The following ABHD3 variants were observed in gnomAD, a reference collection of about 807,000 sequenced individuals.
The protein encoded by ABHD3 is phospholipase ABHD3.
In ABHD3, 46 loss-of-function variants were observed where a neutral mutation model predicts 48.8. The ratio of observed to expected loss-of-function variants is 0.94; its 90% CI spans 0.74 to 1.20. ABHD3 has a LOEUF of 1.20. Ranked by LOEUF, ABHD3 falls within the 50% of genes most tolerant of loss-of-function variation. The pLI, the probability that ABHD3 is intolerant of heterozygous loss-of-function variation, is 0.00. For synonymous variants in ABHD3, 192 were observed against 183.7 expected (o/e 1.04, Z -0.36); for missense variants, 490 against 497.8 (o/e 0.98, Z 0.15).
rs2039228186 is a variant in ABHD3, at chr18:21,651,773, A to G, written c.1058-10T>C. ...GTTTCTATTGGAATAGCTTCAGACC[A>G]AAAAAAACATGGCAATAAGAGAGAA... On this transcript the variant is annotated splice_polypyrimidine_tract_variant and intron_variant, in intron 8 of 8. Coordinates refer to ENST00000289119, the MANE Select transcript of ABHD3 (RefSeq NM_138340.5). 6.8e-7 allele frequency: 1 copy of G among 1,477,554 alleles called. No individual in the cohort carries two copies. Among genetic ancestry groups the G allele is most frequent in the Non-Finnish European group, 9.0e-7 (1 of 1,108,610 alleles). 91.5% of individuals were successfully genotyped at this position (1,477,554 alleles called of 1,614,324 possible). A position where few individuals can be genotyped will look rare whatever the true frequency, so the allele number is the denominator to read the frequency against.
chr18:21,672,545 A>G (rs2039779340), intron 4 of ABHD3, among the ~76,000 whole-genome samples: 1 of 152,206 alleles, frequency 6.6e-6, no homozygotes, highest in Non-Finnish European at 1.5e-5. Context: ...GCACTCAAAT[A>G]TTGGATAAGA....
intron 1 of ABHD3, among the ~76,000 whole-genome samples, chr18:21,704,134 G>A (rs1346030218): frequency 6.6e-6 from 1 of 152,186 alleles, no homozygotes; most frequent in African/African-American, 2.4e-5. Flanking sequence ...TGATCCACCC[G>A]CCTCGGGCTC....
At chr18:21,703,211 T>TCCCC (rs1345676171) in intron 2 of ABHD3, among the ~76,000 whole-genome samples, 60 of 102,360 alleles carry the variant, frequency 5.9e-4, no homozygotes, top group Middle Eastern at 5.1e-3. Flanking sequence ...GGCATCCTTC[T>TCCCC]CACCCCACCC....
intron 4 of ABHD3, among the ~76,000 whole-genome samples, chr18:21,669,332 C>T (rs879538307): frequency 6.6e-6 from 1 of 152,140 alleles, no homozygotes; most frequent in Admixed American, 6.6e-5. Flanking sequence ...CATAGTCGGC[C>T]TCCTGCTAGC....
In ABHD3 at chr18:21,703,817, CAA is replaced by C. The variant is rs774989078; in HGVS notation, c.163-72_163-71del. On this transcript the variant is annotated intron_variant, in intron 1 of 8. Coordinates refer to ENST00000289119, the MANE Select transcript of ABHD3 (RefSeq NM_138340.5). Reference sequence around the variant, plus strand: ...CTGCCAACCGTAAACCAGAAACCGGCAAAGACTTGTCGCTCGCGCGCGCGCTT... The same window carrying C: ...CTGCCAACCGTAAACCAGAAACCGGCAGACTTGTCGCTCGCGCGCGCGCTT... The C allele has an allele frequency of 1.4e-3, 2,235 of 1,548,696 alleles. 4 individuals are homozygous for C. Among genetic ancestry groups the C allele is most frequent in the Non-Finnish European group, 1.8e-3 (2,045 of 1,134,744 alleles).
chr18:21,680,860 G>A (rs971550830), intron 4 of ABHD3, among the ~76,000 whole-genome samples: 8 of 150,808 alleles, frequency 5.3e-5, no homozygotes, highest in South Asian at 2.1e-4. Context: ...AAATGTGTGT[G>A]TGTGTGTGTG....
intron 3 of ABHD3, among the ~76,000 whole-genome samples, chr18:21,690,529 G>A (rs992687414): frequency 2.0e-5 from 3 of 152,114 alleles, no homozygotes; most frequent in Admixed American, 6.5e-5. Context: ...TTGAACCCAG[G>A]AGGCGGAGCT....
intron 8 of ABHD3, among the ~76,000 whole-genome samples, chr18:21,652,487 AAG>A (rs1326587275): frequency 6.6e-6 from 1 of 151,644 alleles, no homozygotes; most frequent in Non-Finnish European, 1.5e-5. Context: ...AAAAGAAAGA[AAG>A]AGAGAGGCCA....
At chr18:21,700,990 C>A (rs1261839452) in intron 3 of ABHD3, among the ~76,000 whole-genome samples, 2 of 144,618 alleles carry the variant, frequency 1.4e-5, no homozygotes, top group East Asian at 4.0e-4. Context: ...CCAAGCCTCA[C>A]ATCTAACTGT....
At chr18:21,679,269 G>A (rs1034784845) in intron 4 of ABHD3, among the ~76,000 whole-genome samples, 4 of 152,132 alleles carry the variant, frequency 2.6e-5, no homozygotes, top group Non-Finnish European at 5.9e-5. Context: ...AAAGAAGCAG[G>A]ATTATCAAGG....
At chr18:21,654,687 G>A (rs1483475238) in intron 8 of ABHD3, among the ~76,000 whole-genome samples, 1 of 152,134 alleles carries the variant, frequency 6.6e-6, no homozygotes, top group Non-Finnish European at 1.5e-5. Context: ...TTCACACTCT[G>A]GATACATTCA....
intron 4 of ABHD3, among the ~76,000 whole-genome samples, chr18:21,666,299 T>C (rs555463300): frequency 7.9e-5 from 12 of 152,308 alleles, no homozygotes; most frequent in African/African-American, 2.6e-4. Context: ...GTTCAAGCGA[T>C]TCTCCTGCCT....
rs2039363306 is a variant in ABHD3, at chr18:21,656,885, C to T, written c.1033G>A (p.Asp345Asn). 1 of 1,601,818 alleles carries T rather than the reference C, an allele frequency of 6.2e-7. No individual in the cohort carries two copies. The highest frequency in any genetic ancestry group is 8.5e-7 in the Non-Finnish European group (1 of 1,171,556). Residue 345 changes from aspartate to asparagine, a missense_variant, in exon 8 of 9, where the codon GAT (aspartate) becomes AAT (asparagine). Asp to Asn is a conservative substitution (Grantham distance 23, BLOSUM62 1). Coordinates refer to ENST00000289119, the MANE Select transcript of ABHD3 (RefSeq NM_138340.5). ...CCATGACTGGGTGAGAAAACATCAT[C>T]CACAGAATTTAGACACAATACTGGA... ...GIPVLCLNSV[D>N]DVFSPSHAIP...
chr18:21,666,117 TCTGC>T (rs1401716292), intron 4 of ABHD3, among the ~76,000 whole-genome samples: 1 of 152,108 alleles, frequency 6.6e-6, no homozygotes, highest in African/African-American at 2.4e-5. Flanking sequence ...CTAGTACCCC[TCTGC>T]CTCCTGGGTT....
intron 3 of ABHD3, among the ~76,000 whole-genome samples, chr18:21,692,707 T>A (rs1159806460): frequency 6.6e-6 from 1 of 152,230 alleles, no homozygotes; most frequent in Non-Finnish European, 1.5e-5. Flanking sequence ...ATTGCAGTCG[T>A]TTCCCTTCTC....
intron 3 of ABHD3, among the ~76,000 whole-genome samples, chr18:21,692,966 T>C (rs1011085189): frequency 6.6e-6 from 1 of 152,218 alleles, no homozygotes; most frequent in Non-Finnish European, 1.5e-5. Context: ...CTCAGAGACA[T>C]GGATTACAGG....
rs529789333 is a variant in ABHD3 at position 21,658,178 on chromosome 18, T to C, written c.842+992A>G. ...CACCACTGCACTCAAGCCTGGGCAA[T>C]AGAGAGAGACCCAGTCTTAAAAAAA... On this transcript the variant is annotated intron_variant, in intron 6 of 8. Coordinates refer to ENST00000289119, the MANE Select transcript of ABHD3 (RefSeq NM_138340.5). Among the ~76,000 whole-genome samples the C allele has an allele frequency of 1.8e-3, 266 of 148,746 alleles. 1 individual carries two copies. Among genetic ancestry groups the C allele is most frequent in the African/African-American group, 6.4e-3 (256 of 40,308 alleles).
intron 3 of ABHD3, 166 bp downstream of exon 3, chr18:21,702,150 T>A (rs2040526451): frequency 1.7e-6 from 1 of 598,534 alleles, no homozygotes; most frequent in Non-Finnish European, 2.7e-6. Context: ...CAGTTATGCA[T>A]CTTCCTGAAA....
intron 3 of ABHD3, among the ~76,000 whole-genome samples, chr18:21,696,815 T>C (rs1324473200): frequency 5.9e-5 from 9 of 152,062 alleles, no homozygotes; most frequent in African/African-American, 2.2e-4. Flanking sequence ...GCAATCCTCC[T>C]GCCTTAGCCT....
Sources: gnomAD v4.1 joint callset for allele counts (sites outside exome capture counted in the v4.1 genomes callset) on GRCh38, gnomAD v4.1.1 for gene constraint, MANE v1.5 for transcripts, NCBI Gene and HGNC (gene_info 2026-07-23, HGNC 2026-07-21) for gene names.